CSMD1: variants seen among roughly 807,000 people sequenced by gnomAD.
The protein encoded by CSMD1 is CUB and sushi domain-containing protein 1.
CSMD1 carries 213 observed loss-of-function variants against 417.5 expected under a neutral mutation model. That is an observed-to-expected ratio of 0.51 (90% CI 0.46 to 0.57). The LOEUF is 0.57. Ranked by LOEUF, CSMD1 falls within the 20% of genes least tolerant of loss-of-function variation. The pLI, the probability that CSMD1 is intolerant of heterozygous loss-of-function variation, is 0.00. For missense variants in CSMD1, 6,923 were observed against 4,529.7 expected (o/e 1.53, Z -15.17); for synonymous variants, 2,862 against 1,736.8 (o/e 1.65, Z -16.11).
chr8:3,714,862 A>G (rs1231538965), intron 6 of CSMD1, among the ~76,000 whole-genome samples: 1 of 152,190 alleles, frequency 6.6e-6, no homozygotes, highest in Non-Finnish European at 1.5e-5. Flanking sequence ...GAGCTTTATC[A>G]ATTTTTTAAG....
intron 3 of CSMD1, among the ~76,000 whole-genome samples, chr8:4,336,076 GA>G (rs1800151818): frequency 1.3e-5 from 2 of 152,078 alleles, no homozygotes; most frequent in South Asian, 4.1e-4. Flanking sequence ...AGTTCCACAA[GA>G]CAATCCACTA....
intron 5 of CSMD1, among the ~76,000 whole-genome samples, chr8:3,975,782 A>T (rs181138879): frequency 6.6e-6 from 1 of 151,956 alleles, no homozygotes; most frequent in East Asian, 1.9e-4. Flanking sequence ...GATTTCTCTG[A>T]TAACTTAAAA....
intron 3 of CSMD1, among the ~76,000 whole-genome samples, chr8:4,032,685 G>T (rs879486299): frequency 6.6e-6 from 1 of 152,134 alleles, no homozygotes; most frequent in Non-Finnish European, 1.5e-5. Flanking sequence ...TGTATTCCAG[G>T]CCAGCAGCCA....
At chr8:4,010,218 A>G (rs1225077567) in intron 4 of CSMD1, among the ~76,000 whole-genome samples, 1 of 152,054 alleles carries the variant, frequency 6.6e-6, no homozygotes, top group South Asian at 2.1e-4. Context: ...GCCCACCCAC[A>G]TGCATCTCAT....
intron 3 of CSMD1, among the ~76,000 whole-genome samples, chr8:4,414,377 T>A (rs1796812860): frequency 6.6e-6 from 1 of 152,122 alleles, no homozygotes; most frequent in South Asian, 2.1e-4. Context: ...CTGGTGAAAA[T>A]TCAAGGACTG....
chr8:3,114,082 CAAAA>C (rs1243517749), intron 42 of CSMD1, among the ~76,000 whole-genome samples: 1 of 136,722 alleles, frequency 7.3e-6, no homozygotes, highest in Non-Finnish European at 1.7e-5. Flanking sequence ...AACAAACAAA[CAAAA>C]AACATTAATT....
intron 5 of CSMD1, among the ~76,000 whole-genome samples, chr8:3,946,108 C>A (rs1423228458): frequency 6.6e-6 from 1 of 152,084 alleles, no homozygotes; most frequent in Admixed American, 6.6e-5. Flanking sequence ...ATCGCTTGCA[C>A]CTTGGAACTG....
intron 1 of CSMD1, among the ~76,000 whole-genome samples, chr8:4,654,519 T>C: frequency 6.6e-6 from 1 of 152,076 alleles, no homozygotes; most frequent in African/African-American, 2.4e-5. Flanking sequence ...ATATACTTCT[T>C]ACGTTTGCTG....
chr8:3,660,177 G>A (rs1487234231), intron 7 of CSMD1, among the ~76,000 whole-genome samples: 1 of 152,154 alleles, frequency 6.6e-6, no homozygotes, highest in Non-Finnish European at 1.5e-5. Context: ...TTATACTGCA[G>A]TGGTTTAGAG....
intron 3 of CSMD1, among the ~76,000 whole-genome samples, chr8:4,414,434 A>G (rs1285081999): frequency 6.6e-6 from 1 of 152,196 alleles, no homozygotes; most frequent in Non-Finnish European, 1.5e-5. Flanking sequence ...TGTTCAATGG[A>G]TTAATAAATA....
At chr8:4,735,426 G>C (rs1810168852) in intron 1 of CSMD1, among the ~76,000 whole-genome samples, 1 of 152,178 alleles carries the variant, frequency 6.6e-6, no homozygotes, top group South Asian at 2.1e-4. Flanking sequence ...CAGTAAGGGA[G>C]AGGATTATTA....
Position 3,604,288 on chromosome 8 carries a change from G to A in CSMD1, c.1097+12422C>T, listed in dbSNP as rs1191651880. On this transcript the variant is annotated intron_variant, in intron 8 of 69. Transcript: ENST00000635120. Reference sequence around the variant, plus strand: ...GTGCTAGAAAGTCAAAGGCCAGAGGGAGGGAGGCTGCGGGGGGGGACCAAA... The same window carrying A: ...GTGCTAGAAAGTCAAAGGCCAGAGGAAGGGAGGCTGCGGGGGGGGACCAAA... Among the ~76,000 whole-genome samples the A allele has an allele frequency of 2.6e-5, 4 of 152,118 alleles. No individual in the cohort carries two copies. In the East Asian group the frequency reaches 7.7e-4, roughly 29 times the overall value.
At chr8:3,125,351 G>C (rs148420636) in intron 41 of CSMD1, among the ~76,000 whole-genome samples, 280 of 152,316 alleles carry the variant, frequency 1.8e-3, no homozygotes, top group African/African-American at 6.4e-3. Flanking sequence ...GCGTCAATCT[G>C]CTGTCAGAAC....
At chr8:3,220,082 C>A (rs756405666) in intron 28 of CSMD1, among the ~76,000 whole-genome samples, 7 of 147,452 alleles carry the variant, frequency 4.7e-5, no homozygotes, top group Non-Finnish European at 8.9e-5. Context: ...GAGTCTGAGG[C>A]TGCAATGAGC....
At chr8:3,613,301 A>G (rs1296812887) in intron 8 of CSMD1, 2 of 422,826 alleles carry the variant, frequency 4.7e-6, no homozygotes, top group Non-Finnish European at 4.7e-6. Flanking sequence ...TTCCAATTCC[A>G]GGTAGCTTCC....
intron 1 of CSMD1, among the ~76,000 whole-genome samples, chr8:4,828,051 T>G (rs541848657): frequency 6.6e-6 from 1 of 152,086 alleles, no homozygotes; most frequent in South Asian, 2.1e-4. Context: ...AGAAGCGTAG[T>G]GGGATTTTTT....
chr8:3,307,742 G>A lies in CSMD1; in HGVS notation c.3903C>T (p.Asn1301=), dbSNP rs1271998844. The change falls in exon 25 of 70, where the codon AAC becomes AAT. Residue 1301 remains asparagine, a synonymous_variant. Transcript: ENST00000635120. ...CCTCTATAATCCAGGTGCAGTGGAG[G>A]TTGTTGTCATACGGAGCTGGATAGC... ...SPGYPAPYDN[N]LHCTWIIEAD... 1.9e-6 allele frequency: 3 copies of A among 1,613,720 alleles called. No individual in the cohort carries two copies. Among genetic ancestry groups the A allele is most frequent in the East Asian group, 2.2e-5 (1 of 44,848 alleles).
At chr8:3,284,613 T>A in intron 25 of CSMD1, 1 of 429,816 alleles carries the variant, frequency 2.3e-6, no homozygotes, top group Non-Finnish European at 4.3e-6. Flanking sequence ...CATTTTAGGA[T>A]AAAAGGATTG....
chr8:4,876,485 G>C (rs1397674881), intron 1 of CSMD1, among the ~76,000 whole-genome samples: 1 of 151,998 alleles, frequency 6.6e-6, no homozygotes, highest in African/African-American at 2.4e-5. Context: ...TTAGTTATTG[G>C]AATTAGATTG....
Sources: gnomAD v4.1 joint callset for allele counts (sites outside exome capture counted in the v4.1 genomes callset) on GRCh38, gnomAD v4.1.1 for gene constraint, MANE v1.5 for transcripts, NCBI Gene and HGNC (gene_info 2026-07-23, HGNC 2026-07-21) for gene names.